Variants in CCDC30 observed in about 807,000 individuals in gnomAD.
CCDC30 encodes the protein coiled-coil domain containing 30, also known as coiled-coil domain-containing protein 30.
A neutral mutation model predicts 100.2 loss-of-function variants in CCDC30; 70 were observed. The observed-to-expected ratio is 0.70, with a 90% CI of 0.58 to 0.85. CCDC30 has a LOEUF of 0.85. CCDC30 is among the 40% of genes least tolerant of loss of function. CCDC30 has a pLI of 0.00. For missense variants in CCDC30, 652 were observed against 771.2 expected, an observed-to-expected ratio of 0.85 and a Z score of 1.83; for synonymous variants, 233 against 269.5, an observed-to-expected ratio of 0.86 and a Z score of 1.33.
chr1:42,472,791 A>T (rs1643813527), intron 1 of CCDC30, among the ~76,000 whole-genome samples: 1 of 152,198 alleles, frequency 6.6e-6, no homozygotes, highest in South Asian at 2.1e-4. Flanking sequence ...ACAACAGGAA[A>T]AGTAAAATAT....
exon 16 of CCDC30, chr1:42,653,440 C>G: frequency 1.3e-6 from 2 of 1,589,318 alleles, no homozygotes; most frequent in Non-Finnish European, 1.7e-6. Context: ...TTATCAAACT[C>G]CAGGTTAGTA....
chr1:42,476,532 A>G (rs1643883359), intron 1 of CCDC30, among the ~76,000 whole-genome samples: 2 of 152,080 alleles, frequency 1.3e-5, no homozygotes, highest in Admixed American at 6.5e-5. Flanking sequence ...CTCTACTAAA[A>G]ATACAAAATT....
intron 6 of CCDC30, among the ~76,000 whole-genome samples, chr1:42,554,919 G>C (rs1645337705): frequency 6.6e-6 from 1 of 151,870 alleles, no homozygotes; most frequent in Non-Finnish European, 1.5e-5. Flanking sequence ...GTTCTTCTGT[G>C]TCTGTATCCT....
intron 9 of CCDC30, among the ~76,000 whole-genome samples, chr1:42,584,150 T>C (rs963207083): frequency 6.6e-6 from 1 of 152,196 alleles, no homozygotes; most frequent in Non-Finnish European, 1.5e-5. Flanking sequence ...TCAATTCTGT[T>C]CTCTAAATCT....
exon 10 of CCDC30, chr1:42,589,347 A>T: frequency 6.2e-7 from 1 of 1,611,182 alleles, no homozygotes; most frequent in Non-Finnish European, 8.5e-7. Context: ...AACGTAGATG[A>T]GTTACACAGG....
intron 6 of CCDC30, among the ~76,000 whole-genome samples, chr1:42,503,244 A>G (rs72954313): frequency 0.014 from 2,186 of 152,300 alleles, 51 homozygotes; most frequent in African/African-American, 0.05. Flanking sequence ...TTACACTAAG[A>G]AGATTAAAGA....
At chr1:42,641,215 TTGTGTGTG>T (rs71065188) in intron 12 of CCDC30, among the ~76,000 whole-genome samples, 46 of 132,442 alleles carry the variant, frequency 3.5e-4, no homozygotes, top group African/African-American at 9.1e-4. Flanking sequence ...CACATGGCTT[TTGTGTGTG>T]TGTGTGTGTG....
At chr1:42,470,240 T>C (rs1341838564) in intron 1 of CCDC30, among the ~76,000 whole-genome samples, 1 of 152,050 alleles carries the variant, frequency 6.6e-6, no homozygotes, top group Non-Finnish European at 1.5e-5. Context: ...ACTGTAATTG[T>C]AGAATTCTTT....
intron 4 of CCDC30, among the ~76,000 whole-genome samples, chr1:42,493,904 G>A (rs561874972): frequency 2.6e-5 from 4 of 151,926 alleles, no homozygotes; most frequent in South Asian, 2.1e-4. Flanking sequence ...GTAAAGAGGC[G>A]GAATTTTTAG....
chr1:42,648,796 CTT>C, intron 15 of CCDC30, among the ~76,000 whole-genome samples: 1 of 151,482 alleles, frequency 6.6e-6, no homozygotes, highest in African/African-American at 2.4e-5. Flanking sequence ...ATCAACAAAT[CTT>C]TAGCTGGACA....
chr1:42,648,315 T>C (rs1648055997), intron 15 of CCDC30, among the ~76,000 whole-genome samples: 1 of 152,052 alleles, frequency 6.6e-6, no homozygotes, highest in Admixed American at 6.5e-5. Flanking sequence ...AAGATGCACC[T>C]CAAGAAACTA....
chr1:42,630,919 T>C (rs1009151723), intron 11 of CCDC30, among the ~76,000 whole-genome samples: 4 of 152,202 alleles, frequency 2.6e-5, no homozygotes, highest in African/African-American at 9.6e-5. Flanking sequence ...CTATTTTGAA[T>C]TTTCTGTCTG....
chr1:42,472,171 T>A (rs113261346), intron 1 of CCDC30, among the ~76,000 whole-genome samples: 7 of 152,094 alleles, frequency 4.6e-5, no homozygotes, highest in African/African-American at 1.7e-4. Context: ...GGAGAATCAC[T>A]TGAACCCAGG....
chr1:42,569,428 T>C (rs2148570505), intron 7 of CCDC30, among the ~76,000 whole-genome samples: 1 of 152,256 alleles, frequency 6.6e-6, no homozygotes, highest in Middle Eastern at 3.4e-3. Context: ...CACAATGAGA[T>C]ACCATCTCAT....
At chr1:42,608,000 T>C (rs2148635990) in intron 10 of CCDC30, among the ~76,000 whole-genome samples, 1 of 152,334 alleles carries the variant, frequency 6.6e-6, no homozygotes, top group East Asian at 1.9e-4. Flanking sequence ...CCAAACACCA[T>C]GTCTGTAATC....
At chr1:42,477,949 T>G (rs1173756252) in intron 1 of CCDC30, among the ~76,000 whole-genome samples, 1 of 152,204 alleles carries the variant, frequency 6.6e-6, no homozygotes, top group Non-Finnish European at 1.5e-5. Context: ...ACATAGTGGT[T>G]CACGTGAGTG....
chr1:42,582,291 G>A (rs1224548563), intron 9 of CCDC30, among the ~76,000 whole-genome samples: 4 of 152,174 alleles, frequency 2.6e-5, no homozygotes, highest in Non-Finnish European at 5.9e-5. Flanking sequence ...TGTAAGTGAT[G>A]AAGCACACCA....
chr1:42,607,455 ACTC>A (rs1331093194), intron 10 of CCDC30, among the ~76,000 whole-genome samples: 6 of 150,848 alleles, frequency 4.0e-5, no homozygotes, highest in African/African-American at 1.5e-4. Context: ...ACAGTGGCTC[ACTC>A]CTGTAATCCC....
chr1:42,470,413 A>C (rs549628497), intron 1 of CCDC30, among the ~76,000 whole-genome samples: 1 of 151,718 alleles, frequency 6.6e-6, no homozygotes, highest in Admixed American at 6.6e-5. Flanking sequence ...ACAGTTCCTC[A>C]AAAAAAAAGT....
Sources: allele counts gnomAD v4.1 joint callset (sites outside exome capture counted in the v4.1 genomes callset), GRCh38; gene constraint gnomAD v4.1.1; transcripts MANE v1.5; gene names NCBI Gene and HGNC (gene_info 2026-07-23, HGNC 2026-07-21).